The following PCDHGB3 variants were observed in gnomAD, a reference collection of about 807,000 sequenced individuals.
The protein encoded by PCDHGB3 is protocadherin gamma subfamily B, 3.
A neutral mutation model predicts 59.2 loss-of-function variants in PCDHGB3; 40 were observed. The ratio of observed to expected loss-of-function variants is 0.68; its 90% confidence interval spans 0.52 to 0.88. The LOEUF is 0.88. Among genes scored for constraint, PCDHGB3 ranks in the 40% least tolerant of loss-of-function variants. PCDHGB3 has a pLI of 0.00. For synonymous variants in PCDHGB3, 581 were observed against 503.6 expected (o/e 1.15, Z -2.06); for missense variants, 1,309 against 1,187.9 (o/e 1.10, Z -1.50).
At chr5:141,406,702 A>G (rs1430662433) in intron 1 of PCDHGB3, among the ~76,000 whole-genome samples, 1 of 152,242 alleles carries the variant, frequency 6.6e-6, no homozygotes. Context: ...TCTATAGTAT[A>G]TGCTTGCTCA....
chr5:141,390,418 A>T (rs2092141411), intron 1 of PCDHGB3: 1 of 1,099,772 alleles, frequency 9.1e-7, no homozygotes, highest in Admixed American at 2.6e-5. Context: ...TAGTCAGTTA[A>T]AAAGCTGTCA....
At chr5:141,394,446 A>C in intron 1 of PCDHGB3, 1 of 1,614,246 alleles carries the variant, frequency 6.2e-7, no homozygotes, top group Non-Finnish European at 8.5e-7. Flanking sequence ...CCTCAGCAGC[A>C]ACATGTCACT....
chr5:141,428,861 T>G (rs1435613271), intron 1 of PCDHGB3: 1 of 73,058 alleles, frequency 1.4e-5, no homozygotes, highest in Non-Finnish European at 2.5e-5. Flanking sequence ...TACGGGAGAC[T>G]TTTTTTTTTT....
At chr5:141,408,632 G>C (rs2154540395) in intron 1 of PCDHGB3, 3 of 1,613,952 alleles carry the variant, frequency 1.9e-6, no homozygotes, top group Non-Finnish European at 1.7e-6. Flanking sequence ...AGAAATTTTC[G>C]AATCTGCATC....
At chr5:141,467,060 T>C (rs1304506319) in intron 1 of PCDHGB3, among the ~76,000 whole-genome samples, 1 of 151,520 alleles carries the variant, frequency 6.6e-6, no homozygotes, top group Non-Finnish European at 1.5e-5. Context: ...GTTTTCTTTT[T>C]TTTTTTTTTT....
chr5:141,426,589 T>G (rs2096945227), intron 1 of PCDHGB3: 1 of 369,180 alleles, frequency 2.7e-6, no homozygotes, highest in South Asian at 2.0e-5. Context: ...ATCCTCTGTG[T>G]CATACCCTTA....
chr5:141,395,131 C>A, intron 1 of PCDHGB3: 12 of 1,614,202 alleles, frequency 7.4e-6, no homozygotes, highest in Non-Finnish European at 1.0e-5. Context: ...TTTCCCCAGC[C>A]CAACTACGCA....
chr5:141,440,878 C>A (rs1359689557), intron 1 of PCDHGB3: 1 of 152,146 alleles, frequency 6.6e-6, no homozygotes, highest in Non-Finnish European at 1.5e-5. Context: ...TGTACAGCGT[C>A]GGCCTTCAGG....
chr5:141,465,030 C>T (rs922114985), intron 1 of PCDHGB3, among the ~76,000 whole-genome samples: 2 of 152,086 alleles, frequency 1.3e-5, no homozygotes, highest in Non-Finnish European at 1.5e-5. Context: ...CCATGAACCA[C>T]CACAAATGAC....
At position 141,413,202 on chromosome 5, in the gene PCDHGB3, GGAATC is replaced by G. The variant is rs766359797; in HGVS notation, c.2415+40394_2415+40398del. 6.8e-6 allele frequency: 11 copies of G among 1,611,944 alleles called. No homozygotes were observed. The East Asian group carries it at 2.2e-4, about 33-fold the overall frequency. On this transcript the variant is annotated intron_variant, in intron 1 of 3. Coordinates refer to ENST00000576222, the MANE Select transcript of PCDHGB3 (RefSeq NM_018924.5). ...TGGCCGCTCAAAGGAATCGCTCAAAGGAATCAAAGGATTGCAGCGGGCTGGTCCTG... is the reference window on the plus strand; with the variant it reads ...TGGCCGCTCAAAGGAATCGCTCAAAGAAAGGATTGCAGCGGGCTGGTCCTG...
chr5:141,432,093 C>A lies in PCDHGB3; in HGVS notation c.2415+59284C>A. The A allele has an allele frequency of 1.2e-6, 2 of 1,614,170 alleles. No homozygotes were observed. Among genetic ancestry groups the A allele is most frequent in the Non-Finnish European group, 1.7e-6 (2 of 1,180,046 alleles). On this transcript the variant is annotated intron_variant, in intron 1 of 3. Coordinates refer to ENST00000576222, the MANE Select transcript of PCDHGB3 (RefSeq NM_018924.5). The surrounding 1 kb of genome is among the most constrained non-coding windows in gnomAD (Gnocchi z 6.0). ...CATATCTCGCTGAACGTGGCAGACA[C>A]CAACGACAACCCGCCGGTCTTCCCT...
rs772884830 is a variant in PCDHGB3 at position 141,491,791 on chromosome 5, C to T, written c.2416-3016C>T. ...TAAGGGATTGAACTTGCATCCACTCCTCTCCGGCCGGCTTGGTCGCTGGCT... is the reference window on the plus strand; with the variant it reads ...TAAGGGATTGAACTTGCATCCACTCTTCTCCGGCCGGCTTGGTCGCTGGCT... On this transcript the variant is annotated intron_variant, in intron 1 of 3. Coordinates refer to ENST00000576222, the MANE Select transcript of PCDHGB3 (RefSeq NM_018924.5). This position sits in a 1 kb window ranked among gnomAD's most constrained non-coding sequence, Gnocchi z 6.9. The T allele has an allele frequency of 3.3e-6, 5 of 1,518,376 alleles. No homozygotes were observed. In the African/African-American group the frequency reaches 4.2e-5, roughly 13 times the overall value. The allele number at this position is 1,518,376 out of a possible 1,614,324, so 94.1% of individuals were successfully genotyped here.
chr5:141,447,650 TC>T (rs1036312126), intron 1 of PCDHGB3, among the ~76,000 whole-genome samples: 1 of 151,988 alleles, frequency 6.6e-6, no homozygotes, highest in Non-Finnish European at 1.5e-5. Context: ...GGTAGAATTT[TC>T]CCCCCCAGGA....
intron 1 of PCDHGB3, among the ~76,000 whole-genome samples, chr5:141,420,710 G>A (rs2096519301): frequency 6.6e-6 from 1 of 152,186 alleles, no homozygotes; most frequent in South Asian, 2.1e-4. Flanking sequence ...TTCCAGAAAT[G>A]TCGTTCCTTT....
At chr5:141,399,641 C>T (rs747527070) in intron 1 of PCDHGB3, 5 of 1,613,852 alleles carry the variant, frequency 3.1e-6, no homozygotes, top group Non-Finnish European at 4.2e-6. Context: ...TCCATGAGCG[C>T]GCAAAGTGGG....
intron 1 of PCDHGB3, chr5:141,404,821 A>C: frequency 6.2e-7 from 1 of 1,613,788 alleles, no homozygotes; most frequent in Non-Finnish European, 8.5e-7. Flanking sequence ...GGCTGCACAC[A>C]GGTGAAGTGC....
intron 1 of PCDHGB3, chr5:141,420,357 C>A: frequency 7.3e-7 from 1 of 1,376,278 alleles, no homozygotes; most frequent in East Asian, 2.6e-5. Flanking sequence ...TTTTAAGATT[C>A]TAGATAACTT....
chr5:141,466,612 C>T (rs141916895), intron 1 of PCDHGB3, among the ~76,000 whole-genome samples: 1 of 152,262 alleles, frequency 6.6e-6, no homozygotes, highest in East Asian at 1.9e-4. Flanking sequence ...TTGTAAACTG[C>T]CGTTTTCTTT....
At chr5:141,427,492 T>C (rs894605769) in intron 1 of PCDHGB3, 1 of 555,624 alleles carries the variant, frequency 1.8e-6, no homozygotes, top group Non-Finnish European at 3.4e-6. Context: ...TATAAGCTTG[T>C]AACAGATGGG....
Sources: gnomAD v4.1 joint callset for allele counts (sites outside exome capture counted in the v4.1 genomes callset) on GRCh38, gnomAD v4.1.1 for gene constraint, Gnocchi (gnomAD v3.1) non-coding constraint, MANE v1.5 for transcripts, NCBI Gene and HGNC (gene_info 2026-07-23, HGNC 2026-07-21) for gene names.